Variants in NOX4 observed in about 807,000 individuals in gnomAD.
NOX4 encodes NADPH oxidase 4, also known as kidney oxidase-1.
In NOX4, 69 loss-of-function variants were observed where a neutral mutation model predicts 87.6. The ratio of observed to expected loss-of-function variants is 0.79; its 90% confidence interval spans 0.65 to 0.96. The LOEUF is 0.96. Ranked by LOEUF, NOX4 falls within the 40% of genes least tolerant of loss-of-function variation. The pLI is 0.00. For synonymous variants in NOX4, 275 were observed against 238.2 expected, an observed-to-expected ratio of 1.15 and a Z score of -1.42; for missense variants, 680 against 681.5, an observed-to-expected ratio of 1.00 and a Z score of 0.02.
intron 2 of NOX4, among the ~76,000 whole-genome samples, chr11:89,467,453 T>C (rs1472813569): frequency 1.3e-5 from 2 of 150,576 alleles, no homozygotes; most frequent in Non-Finnish European, 2.9e-5. Flanking sequence ...TTTAAGAAAA[T>C]ACCATAAACT....
chr11:89,490,264 T>G (rs1341678903), intron 2 of NOX4, among the ~76,000 whole-genome samples, 194 bp downstream of exon 2: 1 of 152,222 alleles, frequency 6.6e-6, no homozygotes, highest in Non-Finnish European at 1.5e-5. Flanking sequence ...CCTTTGGTTC[T>G]TGAGAGAGTC....
At chr11:89,424,858 T>C (rs753661102) in intron 7 of NOX4, among the ~76,000 whole-genome samples, 1 of 152,108 alleles carries the variant, frequency 6.6e-6, no homozygotes, top group African/African-American at 2.4e-5. Flanking sequence ...AGTTTCTTAC[T>C]GGTAAAAAGA....
chr11:89,483,075 T>A (rs139387550), intron 2 of NOX4, among the ~76,000 whole-genome samples: 17 of 152,240 alleles, frequency 1.1e-4, no homozygotes, highest in African/African-American at 4.1e-4. Flanking sequence ...TAGTTCCTAA[T>A]CTAAGCTTCT....
At chr11:89,330,201 T>C (rs189865895) in intron 17 of NOX4, among the ~76,000 whole-genome samples, 113 of 151,984 alleles carry the variant, frequency 7.4e-4, no homozygotes, top group African/African-American at 2.6e-3. Context: ...TTTTAAAAAT[T>C]AGCTAAGCAT....
chr11:89,413,838 T>C lies in NOX4; in HGVS notation c.629+8064A>G, dbSNP rs186378271. Among the ~76,000 whole-genome samples, 447 of 152,240 alleles carry C rather than the reference T, an allele frequency of 2.9e-3. 1 individual carries two copies. Among genetic ancestry groups the C allele is most frequent in the African/African-American group, 8.9e-3 (369 of 41,564 alleles). ...ATTATGAATATCTCATTTATGCAAA[T>C]GTGATCATTACACATTGTATGCCTG... is the stretch of plus-strand genomic sequence containing the variant. On this transcript the variant is annotated intron_variant, in intron 8 of 17. Transcript: ENST00000263317.
At chr11:89,461,647 A>AAAAAAAAT (rs143756693) in intron 2 of NOX4, among the ~76,000 whole-genome samples, 1 of 145,708 alleles carries the variant, frequency 6.9e-6, no homozygotes, top group Admixed American at 6.9e-5. Context: ...TCCATCTCAA[A>AAAAAAAAT]AAATAAATAA....
intron 15 of NOX4, among the ~76,000 whole-genome samples, chr11:89,338,229 A>G (rs1590956605): frequency 6.6e-6 from 1 of 152,106 alleles, no homozygotes; most frequent in East Asian, 1.9e-4. Flanking sequence ...GGGACCTCCT[A>G]TAAGTGACAG....
the NOX4 span, among the ~76,000 whole-genome samples, chr11:89,511,254 T>C: frequency 6.6e-6 from 1 of 152,046 alleles, no homozygotes; most frequent in African/African-American, 2.4e-5. Flanking sequence ...GGTGAGAACA[T>C]TAAAAATCTA....
the NOX4 span, among the ~76,000 whole-genome samples, chr11:89,517,127 T>C: frequency 6.6e-6 from 1 of 152,094 alleles, no homozygotes. Flanking sequence ...TACTCTCACT[T>C]ATGTCACTTT....
chr11:89,412,164 G>A (rs1591159503), intron 8 of NOX4, among the ~76,000 whole-genome samples: 1 of 151,946 alleles, frequency 6.6e-6, no homozygotes, highest in African/African-American at 2.4e-5. Flanking sequence ...ACACAAAAAC[G>A]TAAAGCAAAT....
intron 8 of NOX4, among the ~76,000 whole-genome samples, chr11:89,412,610 C>T (rs545570838): frequency 6.6e-6 from 1 of 152,008 alleles, no homozygotes; most frequent in Admixed American, 6.6e-5. Flanking sequence ...TTTTGAAATG[C>T]ATGATAATGG....
intron 11 of NOX4, among the ~76,000 whole-genome samples, chr11:89,395,526 T>C (rs184401318): frequency 2.2e-4 from 34 of 152,126 alleles, no homozygotes; most frequent in African/African-American, 8.2e-4. Flanking sequence ...CATTTGCCTA[T>C]TTTGGCTTTT....
chr11:89,335,725 T>C, intron 17 of NOX4, 120 bp downstream of exon 17: 1 of 518,480 alleles, frequency 1.9e-6, no homozygotes, highest in Non-Finnish European at 3.4e-6. Flanking sequence ...AAAGAGTGTT[T>C]CAGTGAATTT....
At chr11:89,520,263 T>G in the NOX4 span, among the ~76,000 whole-genome samples, 2 of 152,092 alleles carry the variant, frequency 1.3e-5, no homozygotes, top group East Asian at 3.9e-4. Flanking sequence ...AGATGTATAA[T>G]GTCATGTCAT....
At chr11:89,589,262 G>T in the NOX4 span, among the ~76,000 whole-genome samples, 1 of 152,148 alleles carries the variant, frequency 6.6e-6, no homozygotes, top group East Asian at 1.9e-4. Context: ...TTCATCACAA[G>T]CAGCTTACTT....
intron 12 of NOX4, among the ~76,000 whole-genome samples, chr11:89,368,534 G>C (rs1289938441): frequency 6.6e-6 from 1 of 152,078 alleles, no homozygotes; most frequent in East Asian, 1.9e-4. Flanking sequence ...AAAGAGCAAA[G>C]GGGGAGGAAC....
chr11:89,488,434 T>C (rs1347334495), intron 2 of NOX4, among the ~76,000 whole-genome samples: 1 of 152,172 alleles, frequency 6.6e-6, no homozygotes, highest in Non-Finnish European at 1.5e-5. Context: ...TTTATGTTTC[T>C]GTGCATATGT....
At chr11:89,477,737 T>G (rs1204557882) in intron 2 of NOX4, among the ~76,000 whole-genome samples, 6 of 151,484 alleles carry the variant, frequency 4.0e-5, no homozygotes, top group Admixed American at 3.9e-4. Context: ...ATAAAATGGG[T>G]CTTTTTCATG....
At chr11:89,478,658 C>A (rs1946266131) in intron 2 of NOX4, among the ~76,000 whole-genome samples, 1 of 152,050 alleles carries the variant, frequency 6.6e-6, no homozygotes, top group Non-Finnish European at 1.5e-5. Flanking sequence ...AATGTATTTT[C>A]TTCAAGCATG....
Sources: gnomAD v4.1 joint callset for allele counts (sites outside exome capture counted in the v4.1 genomes callset) on GRCh38, gnomAD v4.1.1 for gene constraint, MANE v1.5 for transcripts, NCBI Gene and HGNC (gene_info 2026-07-23, HGNC 2026-07-21) for gene names.